Variants in TENM4 observed in about 807,000 individuals in gnomAD.
TENM4 encodes the protein teneurin-4.
In TENM4, 82 loss-of-function variants were observed where a neutral mutation model predicts 243.3. The observed-to-expected ratio is 0.34, with a 90% CI of 0.28 to 0.40. The LOEUF is 0.40. Ranked by LOEUF, TENM4 falls within the 10% of genes least tolerant of loss-of-function variation. The pLI is 1.00. For synonymous variants in TENM4, 1,412 were observed against 1,456.3 expected (o/e 0.97, Z 0.69); for missense variants, 3,138 against 3,673.3 (o/e 0.85, Z 3.77).
intron 1 of TENM4, among the ~76,000 whole-genome samples, chr11:79,382,163 G>A (rs998434477): frequency 5.7e-4 from 87 of 152,182 alleles, no homozygotes; most frequent in African/African-American, 1.9e-3. Context: ...CTCATTAGGG[G>A]GAGGGCCAAG....
intron 12 of TENM4, among the ~76,000 whole-genome samples, chr11:78,838,382 T>C (rs1363665200): frequency 6.6e-6 from 1 of 150,936 alleles, no homozygotes; most frequent in East Asian, 1.9e-4. Context: ...TTGTAAGTTT[T>C]ATAAGACATG....
At chr11:78,820,009 G>A (rs1031980133) in intron 12 of TENM4, among the ~76,000 whole-genome samples, 1 of 152,162 alleles carries the variant, frequency 6.6e-6, no homozygotes, top group African/African-American at 2.4e-5. Context: ...ACTGCAGCTG[G>A]TGACATTTAT....
At chr11:79,165,769 C>G (rs1591327579) in intron 3 of TENM4, among the ~76,000 whole-genome samples, 2 of 152,202 alleles carry the variant, frequency 1.3e-5, no homozygotes, top group Middle Eastern at 3.4e-3. Context: ...TTTATTGTTT[C>G]AGGTCTTAGG....
intron 1 of TENM4, among the ~76,000 whole-genome samples, chr11:79,405,324 G>C (rs1480514865): frequency 6.6e-6 from 1 of 151,992 alleles, no homozygotes; most frequent in Non-Finnish European, 1.5e-5. Flanking sequence ...TTTTCAGTGG[G>C]GGAAACTGAG....
intron 6 of TENM4, among the ~76,000 whole-genome samples, chr11:79,023,673 A>C (rs545193087): frequency 9.9e-4 from 151 of 152,344 alleles, no homozygotes; most frequent in African/African-American, 3.6e-3. Context: ...ACTGTTAATT[A>C]ATGTGGCAGT....
chr11:78,783,080 C>T (rs985700128), intron 16 of TENM4, among the ~76,000 whole-genome samples: 3 of 152,014 alleles, frequency 2.0e-5, no homozygotes, highest in Non-Finnish European at 4.4e-5. Flanking sequence ...ACTTTAGAGA[C>T]AAGGGGCACT....
intron 2 of TENM4, among the ~76,000 whole-genome samples, chr11:79,287,498 T>C (rs963907224): frequency 3.3e-5 from 5 of 152,170 alleles, no homozygotes; most frequent in Non-Finnish European, 7.4e-5. Context: ...AGATCATGAA[T>C]GTCTAGTAAA....
At position 78,867,476 on chromosome 11, in the gene TENM4, T is replaced by C. The variant is rs542879853; in HGVS notation, c.1085-4344A>G. ...ATTGTTAGGCAGGTGGTTAATTCTA[T>C]AGTTCTGGGTTATGGGAGAGGGGGA... is the stretch of plus-strand genomic sequence containing the variant. On this transcript the variant is annotated intron_variant, in intron 9 of 33. Transcript: ENST00000278550. Among the ~76,000 whole-genome samples, 4 of 152,312 alleles carry C rather than the reference T, an allele frequency of 2.6e-5. No individual in the cohort carries two copies. The South Asian group carries it at 6.2e-4, about 24-fold the overall frequency.
chr11:79,297,862 G>A (rs1419710894), intron 1 of TENM4, among the ~76,000 whole-genome samples: 1 of 151,730 alleles, frequency 6.6e-6, no homozygotes, highest in Non-Finnish European at 1.5e-5. Flanking sequence ...AAAAATACCA[G>A]GAGAAATAAA....
At chr11:79,351,023 C>T (rs561053196) in intron 1 of TENM4, among the ~76,000 whole-genome samples, 5 of 152,090 alleles carry the variant, frequency 3.3e-5, no homozygotes, top group Non-Finnish European at 7.4e-5. Flanking sequence ...CGGCCATACT[C>T]TCCTTCCTTT....
intron 1 of TENM4, among the ~76,000 whole-genome samples, chr11:79,348,295 T>C (rs1356216838): frequency 6.6e-6 from 1 of 152,140 alleles, no homozygotes; most frequent in African/African-American, 2.4e-5. Context: ...GGTGCCCAAC[T>C]GTATGGAGGT....
chr11:79,131,024 T>C (rs935121169), intron 4 of TENM4, among the ~76,000 whole-genome samples: 1 of 152,078 alleles, frequency 6.6e-6, no homozygotes, highest in African/African-American at 2.4e-5. Context: ...CCAAGAAGTC[T>C]AGGATTATGT....
chr11:78,823,375 G>A (rs1030133894), intron 12 of TENM4, among the ~76,000 whole-genome samples: 1 of 152,212 alleles, frequency 6.6e-6, no homozygotes, highest in African/African-American at 2.4e-5. Context: ...GGCACAGGCT[G>A]AACGGTGCTC....
chr11:79,007,498 C>T (rs1413947414), intron 6 of TENM4, among the ~76,000 whole-genome samples: 1 of 152,134 alleles, frequency 6.6e-6, no homozygotes, highest in Non-Finnish European at 1.5e-5. Context: ...CAGGCATCCA[C>T]TGGGGCACTG....
At chr11:79,216,580 C>G (rs2135228097) in intron 2 of TENM4, among the ~76,000 whole-genome samples, 1 of 152,286 alleles carries the variant, frequency 6.6e-6, no homozygotes, top group East Asian at 1.9e-4. Context: ...GATGGCTCTG[C>G]CTTGATGAAT....
intron 2 of TENM4, among the ~76,000 whole-genome samples, chr11:79,226,229 A>T (rs1384271779): frequency 6.6e-6 from 1 of 152,150 alleles, no homozygotes; most frequent in Admixed American, 6.5e-5. Flanking sequence ...CAAATCCCTC[A>T]TCGTGTTTTA....
chr11:78,787,072 CAGCACAG>C lies in TENM4; in HGVS notation c.2184_2190del (p.Ile728MetfsTer11). 6.5e-7 allele frequency: 1 copy of C among 1,545,162 alleles called. No individual in the cohort carries two copies. The highest frequency in any genetic ancestry group is 2.5e-5 in the East Asian group (1 of 40,784). On this transcript the variant is annotated frameshift_variant, in exon 16 of 34. Coordinates refer to ENST00000278550, the MANE Select transcript of TENM4 (RefSeq NM_001098816.3). LOFTEE classifies it high-confidence loss of function. Reference sequence around the variant, plus strand: ...CACACGCCATGGCCACCACAGTCGGCAGCACAGATCTCTGTGGGGAGGAGCAGAAGAA... The same window carrying C: ...CACACGCCATGGCCACCACAGTCGGCATCTCTGTGGGGAGGAGCAGAAGAA...
chr11:78,672,610 G>A (rs939321022), intron 30 of TENM4, among the ~76,000 whole-genome samples: 1 of 152,168 alleles, frequency 6.6e-6, no homozygotes, highest in East Asian at 1.9e-4. Context: ...TGACCAAAGA[G>A]GATCTGCATG....
intron 1 of TENM4, among the ~76,000 whole-genome samples, chr11:79,308,846 C>G (rs1342235578): frequency 6.6e-6 from 1 of 152,174 alleles, no homozygotes; most frequent in African/African-American, 2.4e-5. Flanking sequence ...ATGGGAATAA[C>G]CACACCCACT....
Sources: gnomAD v4.1 joint callset for allele counts (sites outside exome capture counted in the v4.1 genomes callset) on GRCh38, gnomAD v4.1.1 for gene constraint, MANE v1.5 for transcripts, NCBI Gene and HGNC (gene_info 2026-07-23, HGNC 2026-07-21) for gene names.